KDM4C: variants seen among roughly 807,000 people sequenced by gnomAD.
The protein encoded by KDM4C is lysine-specific demethylase 4C.
In KDM4C, 81 loss-of-function variants were observed where a neutral mutation model predicts 129.3. The observed-to-expected ratio is 0.63, with a 90% CI of 0.52 to 0.75. The LOEUF (loss-of-function observed/expected upper bound fraction) is 0.75, where lower values mean the gene tolerates loss of function less well. KDM4C is among the 30% of genes least tolerant of loss of function. KDM4C has a pLI of 0.00. For missense variants in KDM4C, 1,457 were observed against 1,304.0 expected (o/e 1.12, Z -1.81); for synonymous variants, 573 against 456.1 (o/e 1.26, Z -3.26).
At chr9:6,781,113 A>G (rs1281294434) in intron 1 of KDM4C, among the ~76,000 whole-genome samples, 6 of 152,102 alleles carry the variant, frequency 3.9e-5, no homozygotes, top group Non-Finnish European at 8.8e-5. Flanking sequence ...AGGCTAGTCA[A>G]TTGTAGTCTG....
intron 19 of KDM4C, among the ~76,000 whole-genome samples, chr9:7,154,715 C>A (rs1842997643): frequency 6.6e-6 from 1 of 152,164 alleles, no homozygotes; most frequent in South Asian, 2.1e-4. Context: ...CTGATCACAG[C>A]CAAAAGGCCA....
chr9:6,749,275 T>A (rs1817991354), intron 1 of KDM4C, among the ~76,000 whole-genome samples: 1 of 152,088 alleles, frequency 6.6e-6, no homozygotes, highest in Non-Finnish European at 1.5e-5. Flanking sequence ...CACCTCAGCC[T>A]CCCAAAGTGC....
At chr9:7,071,494 G>C (rs978963729) in intron 17 of KDM4C, among the ~76,000 whole-genome samples, 1 of 152,100 alleles carries the variant, frequency 6.6e-6, no homozygotes, top group African/African-American at 2.4e-5. Flanking sequence ...TACACCTATG[G>C]TCATGTGTTT....
At chr9:6,796,777 T>G (rs971342750) in intron 2 of KDM4C, among the ~76,000 whole-genome samples, 2 of 152,218 alleles carry the variant, frequency 1.3e-5, no homozygotes, top group Non-Finnish European at 2.9e-5. Flanking sequence ...ACGAACTGTT[T>G]CAAATCATTT....
intron 8 of KDM4C, among the ~76,000 whole-genome samples, chr9:6,904,143 G>C (rs1275598728): frequency 6.6e-6 from 1 of 152,038 alleles, no homozygotes; most frequent in East Asian, 1.9e-4. Context: ...GGAGGCTGAG[G>C]CAGGAGAATT....
chr9:7,083,733 G>GTGTGTGTC (rs1834809024), intron 17 of KDM4C, among the ~76,000 whole-genome samples: 1 of 151,804 alleles, frequency 6.6e-6, no homozygotes, highest in Non-Finnish European at 1.5e-5. Context: ...GTGTGTGTGT[G>GTGTGTGTC]TGTGTGTGTG....
At chr9:6,990,282 A>T in intron 11 of KDM4C, 134 bp from the exon 12 acceptor site, 2 of 660,032 alleles carry the variant, frequency 3.0e-6, no homozygotes, top group Non-Finnish European at 5.4e-6. Flanking sequence ...TTAAAGGACT[A>T]GTTCCCCAAG....
Position 6,981,142 on chromosome 9 carries a change from C to A in KDM4C, c.1115+24C>A, listed in dbSNP as rs113038417. The A allele has an allele frequency of 5.1e-6, 8 of 1,561,856 alleles. No individual in the cohort carries two copies. The South Asian group carries it at 7.2e-5, about 14-fold the overall frequency. ...AGGTAATGACCCCTCACCCCACTGACCTGCCTTGCCTGTCGTGTTTTCTCA... is the reference window on the plus strand; with the variant it reads ...AGGTAATGACCCCTCACCCCACTGAACTGCCTTGCCTGTCGTGTTTTCTCA... On this transcript the variant is annotated intron_variant, in intron 9 of 21. Transcript: ENST00000381309.
chr9:7,155,430 C>T (rs1843064127), intron 19 of KDM4C, among the ~76,000 whole-genome samples: 1 of 151,988 alleles, frequency 6.6e-6, no homozygotes, highest in Non-Finnish European at 1.5e-5. Context: ...CATAGGTATA[C>T]ATGTGCCATG....
chr9:7,130,228 A>G (rs1290347188), intron 19 of KDM4C, among the ~76,000 whole-genome samples: 1 of 152,202 alleles, frequency 6.6e-6, no homozygotes, highest in Non-Finnish European at 1.5e-5. Flanking sequence ...CTGAGCACTA[A>G]TTTCAAAACC....
intron 15 of KDM4C, among the ~76,000 whole-genome samples, chr9:7,042,695 C>T (rs1469822559): frequency 6.6e-6 from 1 of 152,060 alleles, no homozygotes; most frequent in Non-Finnish European, 1.5e-5. Context: ...ACAGGGCAGG[C>T]ATTGCTTCTT....
chr9:7,048,540 T>A (rs1194296083), intron 16 of KDM4C, among the ~76,000 whole-genome samples: 1 of 152,114 alleles, frequency 6.6e-6, no homozygotes, highest in Non-Finnish European at 1.5e-5. Flanking sequence ...AAACTTCATT[T>A]CTTTTTGTCT....
chr9:6,754,947 A>G (rs1818193439), upstream of KDM4C, among the ~76,000 whole-genome samples: 2 of 152,000 alleles, frequency 1.3e-5, no homozygotes, highest in Admixed American at 6.6e-5. Flanking sequence ...TAAGAAACTT[A>G]CAAGTATTGG....
chr9:6,807,712 G>T (rs1468590882), intron 3 of KDM4C, among the ~76,000 whole-genome samples: 2 of 148,218 alleles, frequency 1.3e-5, no homozygotes. Flanking sequence ...GAAGTGAGGA[G>T]CCTCTCCGCC....
chr9:6,906,643 T>C (rs1298409088), intron 8 of KDM4C, among the ~76,000 whole-genome samples: 1 of 152,190 alleles, frequency 6.6e-6, no homozygotes, highest in Non-Finnish European at 1.5e-5. Flanking sequence ...AGTCTTGCTT[T>C]TTTGCCCGGG....
chr9:7,051,707 T>C (rs553011300), intron 17 of KDM4C, among the ~76,000 whole-genome samples: 1 of 152,316 alleles, frequency 6.6e-6, no homozygotes, highest in East Asian at 1.9e-4. Context: ...TGGGCATTCC[T>C]TTTCTGAACT....
In KDM4C at chr9:7,076,727, G is replaced by A. The variant is rs1056521041; in HGVS notation, c.2425-26958G>A. ...AATTTCATTTGTTGACTTCCTATGT[G>A]GGGTAAAATGACTTCCTTTGATTAA... On this transcript the variant is annotated intron_variant, in intron 17 of 21. Transcript: ENST00000381309. 2.5e-6 allele frequency: 3 copies of A among 1,200,842 alleles called. No homozygotes were observed. The African/African-American group carries it at 4.7e-5, about 19-fold the overall frequency. The allele number at this position is 1,200,842 out of a possible 1,614,324, so 74.4% of individuals were successfully genotyped here.
At chr9:7,083,188 A>G (rs1834731614) in intron 17 of KDM4C, among the ~76,000 whole-genome samples, 1 of 152,154 alleles carries the variant, frequency 6.6e-6, no homozygotes, top group Admixed American at 6.5e-5. Context: ...AATTCTTGTT[A>G]CCAGAAGTGT....
chr9:6,839,373 G>T (rs1836474392), intron 4 of KDM4C, among the ~76,000 whole-genome samples: 1 of 149,750 alleles, frequency 6.7e-6, no homozygotes, highest in East Asian at 2.0e-4. Context: ...GGGACTACAG[G>T]CGCTTGCCAC....
Sources: gnomAD v4.1 joint callset for allele counts (sites outside exome capture counted in the v4.1 genomes callset) on GRCh38, gnomAD v4.1.1 for gene constraint, MANE v1.5 for transcripts, NCBI Gene and HGNC (gene_info 2026-07-23, HGNC 2026-07-21) for gene names.